The following RAP1A variants were observed in gnomAD, a reference collection of about 807,000 sequenced individuals.
RAP1A encodes RAP1A, member of RAS oncogene family.
RAP1A carries 6 observed loss-of-function variants against 26.4 expected under a neutral mutation model. The observed-to-expected ratio is 0.23, with a 90% confidence interval of 0.12 to 0.45. The LOEUF (loss-of-function observed/expected upper bound fraction) is 0.45, where lower values mean the gene tolerates loss of function less well. Among genes scored for constraint, RAP1A ranks in the 20% least tolerant of loss-of-function variants. The pLI is 0.99. For synonymous variants in RAP1A, 73 were observed against 79.4 expected, an observed-to-expected ratio of 0.92 and a Z score of 0.43; for missense variants, 121 against 217.2, an observed-to-expected ratio of 0.56 and a Z score of 2.78.
rs997929111 is a variant in RAP1A at position 111,551,584 on chromosome 1, T to C, written c.-28+9075T>C. On this transcript the variant is annotated intron_variant, in intron 1 of 7. Coordinates refer to the RAP1A transcript ENST00000356415. ...TACTTCTTAATACATTGTTTTTCCA[T>C]CAATATAAATTTATAATTATTGCTT... is the stretch of plus-strand genomic sequence containing the variant. Among the ~76,000 whole-genome samples the C allele has an allele frequency of 3.9e-5, 6 of 152,320 alleles. No homozygotes were observed. The South Asian group carries it at 1.0e-3, about 26-fold the overall frequency.
chr1:111,635,960 C>G (rs1276058075), intron 1 of RAP1A, among the ~76,000 whole-genome samples: 1 of 152,070 alleles, frequency 6.6e-6, no homozygotes, highest in Non-Finnish European at 1.5e-5. Context: ...TTTGGTCAAC[C>G]CTGTGTATTC....
At position 111,631,950 on chromosome 1, in the gene RAP1A, C is replaced by T. The variant is rs145079282; in HGVS notation, c.-28+12016C>T. On this transcript the variant is annotated intron_variant, in intron 1 of 7. Coordinates refer to ENST00000369709, the MANE Select transcript of RAP1A (RefSeq NM_002884.4). ...GCACCATAGTGTTCATTATCAATAA[C>T]ATCTTTTGGTTCTGTTTATATCTTA... Among the ~76,000 whole-genome samples, 5 of 151,350 alleles carry T rather than the reference C, an allele frequency of 3.3e-5. No homozygotes were observed. In the East Asian group the frequency reaches 9.7e-4, roughly 29 times the overall value.
chr1:111,700,098 C>A (rs1557897406), intron 4 of RAP1A, among the ~76,000 whole-genome samples: 1 of 152,112 alleles, frequency 6.6e-6, no homozygotes, highest in Non-Finnish European at 1.5e-5. Flanking sequence ...GTTGGAGGAC[C>A]TCAGGGTTCA....
chr1:111,550,359 T>C (rs1657210816), intron 1 of RAP1A, among the ~76,000 whole-genome samples: 2 of 152,134 alleles, frequency 1.3e-5, no homozygotes, highest in Admixed American at 6.5e-5. Context: ...ATTTTCTTCC[T>C]TTTTCTTGCT....
intron 3 of RAP1A, among the ~76,000 whole-genome samples, chr1:111,696,081 C>T (rs912096452): frequency 6.6e-6 from 1 of 152,070 alleles, no homozygotes; most frequent in African/African-American, 2.4e-5. Flanking sequence ...GAAACTAAAA[C>T]TGCTCTAATA....
chr1:111,689,349 C>G (rs888478982), intron 1 of RAP1A, among the ~76,000 whole-genome samples: 11 of 151,588 alleles, frequency 7.3e-5, no homozygotes, highest in African/African-American at 4.9e-5. Context: ...CTTTCCCCTT[C>G]TCTTCTTTCC....
Position 111,549,884 on chromosome 1 carries a change from C to G in RAP1A, c.-28+7375C>G, listed in dbSNP as rs1657192894. Among the ~76,000 whole-genome samples, 3 of 152,132 alleles carry G rather than the reference C, an allele frequency of 2.0e-5. 1 individual carries two copies. On this transcript the variant is annotated intron_variant, in intron 1 of 7. Transcript: ENST00000356415. ...CACAGACTGGCCTTAAACTCCTAGC[C>G]TCAAGTAATCCTCCTGTCCCAGCCT...
chr1:111,705,064 G>C (rs1662146273), intron 6 of RAP1A, among the ~76,000 whole-genome samples: 1 of 152,160 alleles, frequency 6.6e-6, no homozygotes, highest in African/African-American at 2.4e-5. Flanking sequence ...CTTGAAAACA[G>C]CTGTGGACAA....
intron 1 of RAP1A, among the ~76,000 whole-genome samples, chr1:111,632,907 G>T: frequency 1.1e-5 from 1 of 88,200 alleles, no homozygotes; most frequent in South Asian, 3.8e-4. Flanking sequence ...GGCAACAAGA[G>T]CAAAACTTGG....
intron 1 of RAP1A, among the ~76,000 whole-genome samples, chr1:111,653,489 C>T (rs1319482757): frequency 2.0e-5 from 3 of 151,682 alleles, no homozygotes; most frequent in South Asian, 2.1e-4. Context: ...TGAGACCAGC[C>T]TGATCAACAT....
At chr1:111,578,448 AG>A (rs1381004266) in intron 1 of RAP1A, among the ~76,000 whole-genome samples, 2 of 151,986 alleles carry the variant, frequency 1.3e-5, no homozygotes, top group Non-Finnish European at 2.9e-5. Context: ...GGGTGTTATA[AG>A]GAAAATTTTT....
intron 1 of RAP1A, among the ~76,000 whole-genome samples, chr1:111,558,310 G>A (rs912032077): frequency 6.6e-6 from 1 of 151,724 alleles, no homozygotes; most frequent in Admixed American, 6.6e-5. Context: ...CCTGAGTAGC[G>A]AGGACTACAG....
intron 1 of RAP1A, among the ~76,000 whole-genome samples, chr1:111,667,664 AAG>A (rs1383841601): frequency 2.0e-5 from 3 of 151,360 alleles, no homozygotes; most frequent in Non-Finnish European, 4.4e-5. Flanking sequence ...CCTGGGCGAC[AAG>A]AGCAAGACTC....
At chr1:111,648,207 T>TA (rs1557877258) in intron 1 of RAP1A, 432 of 83,954 alleles carry the variant, frequency 5.1e-3, no homozygotes, top group Middle Eastern at 0.015. Flanking sequence ...GTGTGTGTAT[T>TA]TTTTTTTTTT....
At chr1:111,607,631 CG>C (rs1323831328) in intron 1 of RAP1A, among the ~76,000 whole-genome samples, 7 of 148,238 alleles carry the variant, frequency 4.7e-5, no homozygotes, top group Non-Finnish European at 9.0e-5. Flanking sequence ...GGTGGCTGGC[CG>C]GGCGGGGGGC....
rs558720742 is a variant in RAP1A at position 111,648,977 on chromosome 1, T to G, written c.-28+29043T>G. 291 of 637,360 alleles carry G rather than the reference T, an allele frequency of 4.6e-4. 3 individuals are homozygous for G. The highest frequency in any genetic ancestry group is 3.7e-3 in the South Asian group (271 of 72,886). The allele number at this position is 637,360 out of a possible 1,614,324, so 39.5% of individuals were successfully genotyped here. A position where few individuals can be genotyped will look rare whatever the true frequency, so the allele number is the denominator to read the frequency against. On this transcript the variant is annotated intron_variant, in intron 1 of 7. Transcript: ENST00000369709. ...GCTCTTCGTTGAGAGCCTCGATCTC[T>G]GGCTTCAGCTGCAGCCAAGTGACAT...
At chr1:111,709,662 A>G (rs1662316021) in intron 7 of RAP1A, among the ~76,000 whole-genome samples, 1 of 152,192 alleles carries the variant, frequency 6.6e-6, no homozygotes, top group African/African-American at 2.4e-5. Flanking sequence ...ACCCGTATAT[A>G]ACAACAAGAG....
At chr1:111,589,340 G>GA (rs1658430792) in intron 1 of RAP1A, among the ~76,000 whole-genome samples, 1 of 152,174 alleles carries the variant, frequency 6.6e-6, no homozygotes, top group South Asian at 2.1e-4. Context: ...AGCTACTCAG[G>GA]AGGCTGAGGC....
chr1:111,611,343 G>A (rs762771163), intron 1 of RAP1A, among the ~76,000 whole-genome samples: 1 of 152,186 alleles, frequency 6.6e-6, no homozygotes, highest in Non-Finnish European at 1.5e-5. Flanking sequence ...ACAATGTTTG[G>A]TGTGTATTCC....
Sources: allele counts gnomAD v4.1 joint callset (sites outside exome capture counted in the v4.1 genomes callset), GRCh38; gene constraint gnomAD v4.1.1; transcripts MANE v1.5; gene names NCBI Gene and HGNC (gene_info 2026-07-23, HGNC 2026-07-21).